The following GABRB2 variants were observed in gnomAD, a reference collection of about 807,000 sequenced individuals.
GABRB2 encodes gamma-aminobutyric acid receptor subunit beta-2.
In GABRB2, 16 loss-of-function variants were observed where a neutral mutation model predicts 54.7. The observed-to-expected ratio is 0.29, with a 90% confidence interval of 0.20 to 0.44. The LOEUF is 0.44. GABRB2 is among the 20% of genes least tolerant of loss of function. GABRB2 has a pLI of 1.00. For missense variants in GABRB2, 355 were observed against 644.0 expected (o/e 0.55, Z 4.86); for synonymous variants, 244 against 233.8 (o/e 1.04, Z -0.40).
intron 5 of GABRB2, among the ~76,000 whole-genome samples, chr5:161,361,950 G>T (rs551991845): frequency 1.1e-4 from 16 of 152,288 alleles, no homozygotes; most frequent in African/African-American, 3.1e-4. Flanking sequence ...GTTAATTTTT[G>T]CATAAGGTGT....
intron 3 of GABRB2, among the ~76,000 whole-genome samples, chr5:161,493,233 G>T (rs999018479): frequency 1.3e-5 from 2 of 151,558 alleles, no homozygotes; most frequent in Non-Finnish European, 3.0e-5. Context: ...TTTGACTGAA[G>T]CTGAGGAACA....
chr5:161,425,258 G>A (rs189011964), intron 4 of GABRB2, among the ~76,000 whole-genome samples: 3 of 152,198 alleles, frequency 2.0e-5, no homozygotes, highest in Admixed American at 2.0e-4. Flanking sequence ...AGTTCTATGG[G>A]TAAAATGCTA....
chr5:161,546,786 A>G, upstream of GABRB2: 2 of 1,446,400 alleles, frequency 1.4e-6, no homozygotes, highest in Non-Finnish European at 1.8e-6. Context: ...CCGGGGACCG[A>G]GCAGATTTCC....
chr5:161,435,463 C>A (rs1465340893), intron 4 of GABRB2, among the ~76,000 whole-genome samples: 1 of 152,078 alleles, frequency 6.6e-6, no homozygotes, highest in Non-Finnish European at 1.5e-5. Context: ...TTCTGCCTAA[C>A]CTGTTAGTGA....
intron 5 of GABRB2, among the ~76,000 whole-genome samples, chr5:161,352,104 A>G (rs1754487985): frequency 6.6e-6 from 1 of 151,986 alleles, no homozygotes; most frequent in Admixed American, 6.6e-5. Flanking sequence ...ACTGGCAAGA[A>G]TGTAAATTTA....
intron 9 of GABRB2, among the ~76,000 whole-genome samples, chr5:161,313,705 T>C (rs775896616): frequency 2.0e-5 from 3 of 152,214 alleles, no homozygotes; most frequent in Non-Finnish European, 4.4e-5. Flanking sequence ...ACTTCCCCTG[T>C]GCTTCTTCAT....
chr5:161,450,854 G>A (rs115513917), intron 4 of GABRB2, among the ~76,000 whole-genome samples: 6,058 of 152,092 alleles, frequency 0.04, 160 homozygotes, highest in Middle Eastern at 0.082. Context: ...ACAGCCTATC[G>A]TATGCATTTT....
chr5:161,355,793 GC>G (rs1318543521), intron 5 of GABRB2, among the ~76,000 whole-genome samples: 1 of 152,100 alleles, frequency 6.6e-6, no homozygotes, highest in Non-Finnish European at 1.5e-5. Context: ...TTAGATGGAA[GC>G]TTTGCCATTT....
At chr5:161,477,004 G>T (rs1758610661) in intron 3 of GABRB2, among the ~76,000 whole-genome samples, 1 of 151,734 alleles carries the variant, frequency 6.6e-6, no homozygotes, top group Non-Finnish European at 1.5e-5. Flanking sequence ...CTAAGGAATG[G>T]GAGAAAATAC....
chr5:161,436,653 A>G lies in GABRB2; in HGVS notation c.458+22971T>C, dbSNP rs118114483. Among the ~76,000 whole-genome samples, 651 of 152,312 alleles carry G rather than the reference A, an allele frequency of 4.3e-3. 13 individuals carry two copies. In the East Asian group the frequency reaches 0.059, roughly 14 times the overall value. On this transcript the variant is annotated intron_variant, in intron 4 of 9. Transcript: ENST00000393959. Reference sequence around the variant, plus strand: ...CCAAGTTAACAACTATCTACACAGAAAAATATACTTTCATAAGAACTAAAT... The same window carrying G: ...CCAAGTTAACAACTATCTACACAGAGAAATATACTTTCATAAGAACTAAAT...
chr5:161,490,506 CTTAA>C (rs893454430), intron 3 of GABRB2, among the ~76,000 whole-genome samples: 42 of 151,736 alleles, frequency 2.8e-4, no homozygotes, highest in Middle Eastern at 3.4e-3. Flanking sequence ...CCTTATGAGG[CTTAA>C]TTGAGATATT....
At chr5:161,308,958 C>T (rs1211604674) in intron 9 of GABRB2, among the ~76,000 whole-genome samples, 1 of 152,132 alleles carries the variant, frequency 6.6e-6, no homozygotes, top group African/African-American at 2.4e-5. Flanking sequence ...CAGTCAAAGA[C>T]TTCATGATGA....
intron 4 of GABRB2, among the ~76,000 whole-genome samples, chr5:161,414,270 C>G (rs1181701945): frequency 2.0e-5 from 3 of 152,126 alleles, no homozygotes; most frequent in Non-Finnish European, 1.5e-5. Context: ...ACTTAGTTGC[C>G]TCATCCTGAA....
chr5:161,396,264 T>A (rs1455598161), intron 5 of GABRB2, among the ~76,000 whole-genome samples: 1 of 152,146 alleles, frequency 6.6e-6, no homozygotes, highest in Non-Finnish European at 1.5e-5. Context: ...AGGAGTTAGA[T>A]CACAGACTGC....
chr5:161,348,632 CTA>C (rs1334889328), intron 5 of GABRB2, among the ~76,000 whole-genome samples: 2 of 151,960 alleles, frequency 1.3e-5, no homozygotes, highest in Non-Finnish European at 2.9e-5. Context: ...TCCAAAGGAT[CTA>C]TAATCTAAAA....
At chr5:161,463,570 T>C (rs953567165) in intron 3 of GABRB2, among the ~76,000 whole-genome samples, 17 of 101,480 alleles carry the variant, frequency 1.7e-4, no homozygotes, top group Admixed American at 1.3e-3. Context: ...TATATATATA[T>C]ATATATATAT....
At chr5:161,447,291 G>T (rs936638473) in intron 4 of GABRB2, among the ~76,000 whole-genome samples, 13 of 152,228 alleles carry the variant, frequency 8.5e-5, no homozygotes, top group Admixed American at 6.5e-4. Flanking sequence ...TCTAAGTTTT[G>T]TGTTGTCTGG....
At chr5:161,384,107 T>G (rs2113488609) in intron 5 of GABRB2, among the ~76,000 whole-genome samples, 1 of 152,312 alleles carries the variant, frequency 6.6e-6, no homozygotes, top group South Asian at 2.1e-4. Context: ...ATATGCATTT[T>G]ATGGGAAGAT....
rs138451056 is a variant in GABRB2 at position 161,509,156 on chromosome 5, CT to C, written c.237+36070del. On this transcript the variant is annotated intron_variant, in intron 3 of 9. Transcript: ENST00000393959. ...TAAAACACGGCATGGAAAATTCACC[CT>C]TTGATTAAAGCATCCCAACAACCAG... Among the ~76,000 whole-genome samples the C allele has an allele frequency of 7.1e-3, 1,072 of 152,046 alleles. 11 individuals carry two copies. The highest frequency in any genetic ancestry group is 0.021 in the African/African-American group (868 of 41,546).
Sources: allele counts gnomAD v4.1 joint callset (sites outside exome capture counted in the v4.1 genomes callset), GRCh38; gene constraint gnomAD v4.1.1; transcripts MANE v1.5; gene names NCBI Gene and HGNC (gene_info 2026-07-23, HGNC 2026-07-21).